Variants in N4BP2 observed in about 807,000 individuals in gnomAD.
N4BP2 encodes NEDD4 binding protein 2, also known as NEDD4-binding protein 2.
A neutral mutation model predicts 152.8 loss-of-function variants in N4BP2; 91 were observed. The ratio of observed to expected loss-of-function variants is 0.60; its 90% CI spans 0.50 to 0.71. N4BP2 has a LOEUF of 0.71. Ranked by LOEUF, N4BP2 falls within the 30% of genes least tolerant of loss-of-function variation. The pLI is 0.00. For synonymous variants in N4BP2, 646 were observed against 705.3 expected, an observed-to-expected ratio of 0.92 and a Z score of 1.33; for missense variants, 1,923 against 2,059.1, an observed-to-expected ratio of 0.93 and a Z score of 1.28.
chr4:40,077,422 A>G (rs567827792), intron 2 of N4BP2, among the ~76,000 whole-genome samples: 7 of 148,816 alleles, frequency 4.7e-5, no homozygotes, highest in Admixed American at 3.4e-4. Context: ...TGCTGGGATT[A>G]CAGGCGTGAA....
chr4:40,133,123 T>G (rs1719045397), intron 13 of N4BP2, among the ~76,000 whole-genome samples: 1 of 152,226 alleles, frequency 6.6e-6, no homozygotes, highest in Non-Finnish European at 1.5e-5. Flanking sequence ...AAGTCTATTT[T>G]ATGCTGTCTT....
At position 40,123,213 on chromosome 4, in the gene N4BP2, G is replaced by C. The variant is rs1456289904; in HGVS notation, c.4284+1G>C. On this transcript the variant is annotated splice_donor_variant, in intron 10 of 17. Transcript: ENST00000261435. LOFTEE classifies it high-confidence loss of function. Reference sequence around the variant, plus strand: ...TGAGAAATGGAAAGAATCTGTAATGGTTGGTAGGCTTCTTTTTATAAAGAG... The same window carrying C: ...TGAGAAATGGAAAGAATCTGTAATGCTTGGTAGGCTTCTTTTTATAAAGAG... 6.3e-7 allele frequency: 1 copy of C among 1,599,908 alleles called. No individual in the cohort carries two copies. The highest frequency in any genetic ancestry group is 8.6e-7 in the Non-Finnish European group (1 of 1,168,700).
chr4:40,188,172 G>A, the N4BP2 span, among the ~76,000 whole-genome samples: 2 of 152,198 alleles, frequency 1.3e-5, no homozygotes, highest in Non-Finnish European at 2.9e-5. Flanking sequence ...AGAGGCTGGG[G>A]TACTCACTTA....
At chr4:40,184,258 TC>T in the N4BP2 span, among the ~76,000 whole-genome samples, 1 of 152,120 alleles carries the variant, frequency 6.6e-6, no homozygotes, top group Non-Finnish European at 1.5e-5. Flanking sequence ...CTCAGAAGCT[TC>T]CCTGTATGGC....
chr4:40,188,154 C>T, the N4BP2 span, among the ~76,000 whole-genome samples: 1 of 152,190 alleles, frequency 6.6e-6, no homozygotes. Context: ...ATCAGGCAAA[C>T]CAGCTTGAGA....
At chr4:40,136,756 T>C (rs1719445081) in intron 13 of N4BP2, among the ~76,000 whole-genome samples, 188 bp from the exon 14 acceptor site, 1 of 152,236 alleles carries the variant, frequency 6.6e-6, no homozygotes, top group South Asian at 2.1e-4. Flanking sequence ...TATTATTTGA[T>C]AGTTTCCTTC....
chr4:40,147,637 A>AC (rs1379892290), intron 16 of N4BP2, among the ~76,000 whole-genome samples: 2 of 129,220 alleles, frequency 1.5e-5, no homozygotes, highest in African/African-American at 3.0e-5. Context: ...GCGGGGGCTG[A>AC]CCCCCCACCT....
the N4BP2 span, among the ~76,000 whole-genome samples, chr4:40,184,936 A>G: frequency 2.0e-5 from 3 of 152,102 alleles, no homozygotes; most frequent in Admixed American, 1.3e-4. Context: ...AGCCTGGGCA[A>G]CAGAGCAAGA....
intron 2 of N4BP2, among the ~76,000 whole-genome samples, chr4:40,089,622 A>G (rs1184328837): frequency 1.3e-5 from 2 of 151,850 alleles, no homozygotes; most frequent in Admixed American, 1.3e-4. Flanking sequence ...TTTTTAGTAG[A>G]GACGGGGTTT....
chr4:40,087,815 C>T lies in N4BP2; in HGVS notation c.-114-9412C>T, dbSNP rs542478659. On this transcript the variant is annotated intron_variant, in intron 2 of 17. Transcript: ENST00000261435. Reference sequence around the variant, plus strand: ...TTGCCCAGGCTGAATGGCTCGATCTCGGCTTACTGCAACCTCTGTCTCCTG... The same window carrying T: ...TTGCCCAGGCTGAATGGCTCGATCTTGGCTTACTGCAACCTCTGTCTCCTG... Among the ~76,000 whole-genome samples, 185 of 152,062 alleles carry T rather than the reference C, an allele frequency of 1.2e-3. 1 individual carries two copies. Among genetic ancestry groups the T allele is most frequent in the African/African-American group, 4.2e-3 (175 of 41,488 alleles).
chr4:40,102,550 G>A lies in N4BP2; in HGVS notation c.705G>A (p.Leu235=). ...TTATAAAGGATAACACATTGGCTTT[G>A]GAAAGTAACTACCCGGAAGATTCTC... ...KCFIKDNTLA[L]ESNYPEDSLL... is the part of the protein sequence containing the mutation. Residue 235 remains leucine (L), a synonymous_variant, in exon 4 of 18, where the codon TTG becomes TTA. Transcript: ENST00000261435. The A allele has an allele frequency of 6.2e-7, 1 of 1,614,148 alleles. No individual in the cohort carries two copies. Among genetic ancestry groups the A allele is most frequent in the South Asian group, 1.1e-5 (1 of 91,082 alleles).
intron 14 of N4BP2, among the ~76,000 whole-genome samples, chr4:40,141,115 A>C (rs1470593283): frequency 6.6e-6 from 1 of 151,986 alleles, no homozygotes; most frequent in Non-Finnish European, 1.5e-5. Flanking sequence ...CACACCTCCC[A>C]GATGGAGTGG....
At chr4:40,173,920 G>T in the N4BP2 span, among the ~76,000 whole-genome samples, 1 of 151,616 alleles carries the variant, frequency 6.6e-6, no homozygotes, top group South Asian at 2.1e-4. Flanking sequence ...TAGAAAGTAC[G>T]GATTTGAAGT....
rs11302996 is a variant in N4BP2 at position 40,060,602 on chromosome 4, ATT to A, written c.-212+3589_-212+3590del. ...TAAATTTATGTGGCTAAGTAGCTAGATTTTTTTTTTTTTTTTTTGAGACAGGG... is the reference window on the plus strand; with the variant it reads ...TAAATTTATGTGGCTAAGTAGCTAGATTTTTTTTTTTTTTTTGAGACAGGG... On this transcript the variant is annotated intron_variant, in intron 1 of 17. Coordinates refer to ENST00000261435, the MANE Select transcript of N4BP2 (RefSeq NM_018177.6). Among the ~76,000 whole-genome samples, 609 of 134,782 alleles carry A rather than the reference ATT, an allele frequency of 4.5e-3. 2 individuals carry two copies. The highest frequency in any genetic ancestry group is 9.5e-3 in the African/African-American group (345 of 36,204). The allele number at this position is 134,782 out of a possible 152,430, so 88.4% of individuals were successfully genotyped here. A position where few individuals can be genotyped will look rare whatever the true frequency, so the allele number is the denominator to read the frequency against.
the N4BP2 span, among the ~76,000 whole-genome samples, chr4:40,179,642 G>A: frequency 6.6e-6 from 1 of 152,084 alleles, no homozygotes; most frequent in African/African-American, 2.4e-5. Context: ...AACTTGGGCA[G>A]GTTGGTGCCA....
At chr4:40,123,468 T>C (rs1322058451) in intron 10 of N4BP2, among the ~76,000 whole-genome samples, 1 of 152,140 alleles carries the variant, frequency 6.6e-6, no homozygotes, top group African/African-American at 2.4e-5. Context: ...GAGCTCATTG[T>C]AATTGTTGAT....
chr4:40,166,939 T>C, the N4BP2 span: 4 of 152,240 alleles, frequency 2.6e-5, no homozygotes, highest in Non-Finnish European at 5.9e-5. Flanking sequence ...AGTCACCCTT[T>C]TATGCTATTA....
rs146502340 is a variant in N4BP2 at position 40,064,200 on chromosome 4, G to T, written c.-212+7170G>T. On this transcript the variant is annotated intron_variant, in intron 1 of 17. Coordinates refer to ENST00000261435, the MANE Select transcript of N4BP2 (RefSeq NM_018177.6). Reference sequence around the variant, plus strand: ...CTGTACTATGGACCTGTGTATTCCAGGTACGAAAATGGTAAGTCCAACATT... The same window carrying T: ...CTGTACTATGGACCTGTGTATTCCATGTACGAAAATGGTAAGTCCAACATT... Among the ~76,000 whole-genome samples the T allele has an allele frequency of 2.0e-5, 3 of 152,270 alleles. No individual in the cohort carries two copies. In the East Asian group the frequency reaches 5.8e-4, roughly 29 times the overall value.
intron 2 of N4BP2, among the ~76,000 whole-genome samples, chr4:40,090,741 T>C (rs1303655923): frequency 6.6e-6 from 1 of 152,096 alleles, no homozygotes; most frequent in Non-Finnish European, 1.5e-5. Context: ...GAGACCAGCC[T>C]GGTCAACATG....
Sources: gnomAD v4.1 joint callset for allele counts (sites outside exome capture counted in the v4.1 genomes callset) on GRCh38, gnomAD v4.1.1 for gene constraint, MANE v1.5 for transcripts, NCBI Gene and HGNC (gene_info 2026-07-23, HGNC 2026-07-21) for gene names.